DGLUCY: variants seen among roughly 807,000 people sequenced by gnomAD.
DGLUCY encodes D-glutamate cyclase, mitochondrial.
In DGLUCY, 58 loss-of-function variants were observed where a neutral mutation model predicts 58.5. The ratio of observed to expected loss-of-function variants is 0.99; its 90% CI spans 0.80 to 1.23. The LOEUF is 1.23. DGLUCY is among the 50% of genes most tolerant of loss of function. DGLUCY has a pLI of 0.00. For synonymous variants in DGLUCY, 325 were observed against 314.1 expected, an observed-to-expected ratio of 1.03 and a Z score of -0.37; for missense variants, 779 against 784.7, an observed-to-expected ratio of 0.99 and a Z score of 0.09.
At chr14:91,133,117 A>AAC (rs1201603000) in intron 1 of DGLUCY, among the ~76,000 whole-genome samples, 4 of 151,964 alleles carry the variant, frequency 2.6e-5, no homozygotes, top group Non-Finnish European at 4.4e-5. Context: ...AACATGGTGA[A>AAC]ACCCCTGTCT....
At chr14:91,074,128 C>T (rs951169545) in intron 1 of DGLUCY, among the ~76,000 whole-genome samples, 2 of 131,596 alleles carry the variant, frequency 1.5e-5, no homozygotes, top group African/African-American at 6.2e-5. Flanking sequence ...TACACACACA[C>T]ACACACACAC....
intron 5 of DGLUCY, among the ~76,000 whole-genome samples, chr14:91,172,370 T>C (rs1444029709): frequency 6.6e-6 from 1 of 152,196 alleles, no homozygotes; most frequent in Non-Finnish European, 1.5e-5. Flanking sequence ...TGAACCACTG[T>C]GCCCAGCCTC....
intron 13 of DGLUCY, among the ~76,000 whole-genome samples, chr14:91,218,702 C>G (rs144685934): frequency 8.6e-4 from 130 of 151,918 alleles, no homozygotes; most frequent in African/African-American, 3.0e-3. Context: ...CACACCTGGC[C>G]TAAAATGGGG....
intron 1 of DGLUCY, among the ~76,000 whole-genome samples, chr14:91,128,136 A>G (rs2045822593): frequency 6.6e-6 from 1 of 151,508 alleles, no homozygotes; most frequent in Non-Finnish European, 1.5e-5. Flanking sequence ...TGCTCCTGGT[A>G]CAGAATTCTG....
chr14:91,083,675 T>C (rs2044166178), intron 1 of DGLUCY, among the ~76,000 whole-genome samples: 1 of 152,092 alleles, frequency 6.6e-6, no homozygotes, highest in Non-Finnish European at 1.5e-5. Flanking sequence ...ATTTGTTGCT[T>C]TTGTGTCAAC....
At chr14:91,092,373 C>G (rs578243980) in intron 1 of DGLUCY, among the ~76,000 whole-genome samples, 5 of 152,294 alleles carry the variant, frequency 3.3e-5, no homozygotes, top group South Asian at 2.1e-4. Context: ...GATTTCCATA[C>G]TGAGTTGAAT....
chr14:91,101,029 CT>C (rs2044477417), intron 1 of DGLUCY, among the ~76,000 whole-genome samples: 1 of 152,218 alleles, frequency 6.6e-6, no homozygotes, highest in Admixed American at 6.5e-5. Flanking sequence ...CGAGATCATG[CT>C]GCTCCACCCC....
intron 7 of DGLUCY, 57 bp from the exon 8 acceptor site, chr14:91,181,129 G>C: frequency 6.5e-7 from 1 of 1,544,466 alleles, no homozygotes; most frequent in Non-Finnish European, 8.9e-7. Flanking sequence ...GGCTAGATGA[G>C]GGTAGGCTGG....
chr14:91,172,506 TCATATCACGTTAGAGTTCTTC>T (rs2048621885), intron 5 of DGLUCY, among the ~76,000 whole-genome samples: 1 of 152,238 alleles, frequency 6.6e-6, no homozygotes, highest in African/African-American at 2.4e-5. Context: ...ACAGATATCT[TCATATCACGTTAGAGTTCTTC>T]CTGATGTCTC....
At chr14:91,103,493 T>A (rs2044529071), upstream of DGLUCY, among the ~76,000 whole-genome samples, 1 of 152,008 alleles carries the variant, frequency 6.6e-6, no homozygotes, top group Non-Finnish European at 1.5e-5. Context: ...CTCCCTCCTC[T>A]CCCCATCACC....
intron 11 of DGLUCY, 75 bp from the exon 12 acceptor site, chr14:91,204,631 G>A (rs537364254): frequency 3.8e-6 from 6 of 1,573,112 alleles, no homozygotes; most frequent in Admixed American, 1.7e-5. Context: ...ACAAGCACAT[G>A]TAGGGCTGCC....
chr14:91,215,556 G>A lies in DGLUCY; in HGVS notation c.1716G>A (p.Lys572=), dbSNP rs970879207. 1.2e-6 allele frequency: 2 copies of A among 1,613,634 alleles called. No homozygotes were observed. Among genetic ancestry groups the A allele is most frequent in the African/African-American group, 2.7e-5 (2 of 74,928 alleles). ...CTCAGGCCCTCCCGTCGGTCATTAA[G>A]GTAACAAACCCCAGCCAGCCGCTCG... ...AWTQALPSVI[K]EEKMLGILVQ... Residue 572 remains lysine, a splice_region_variant and synonymous_variant, in exon 13 of 14, where the codon AAG becomes AAA. Coordinates refer to ENST00000256324, the MANE Select transcript of DGLUCY (RefSeq NM_001102368.3).
intron 5 of DGLUCY, among the ~76,000 whole-genome samples, chr14:91,170,568 A>G (rs1295038674): frequency 6.6e-6 from 1 of 152,116 alleles, no homozygotes; most frequent in Non-Finnish European, 1.5e-5. Flanking sequence ...GGCTCTCTCA[A>G]TACCCAGGGA....
chr14:91,110,414 CTT>C (rs1158891524), upstream of DGLUCY, among the ~76,000 whole-genome samples: 1 of 132,888 alleles, frequency 7.5e-6, no homozygotes, highest in East Asian at 2.2e-4. Context: ...GTTTTTCTTT[CTT>C]TCTTTCTTTC....
At chr14:91,143,915 G>C (rs2046874561) in intron 1 of DGLUCY, among the ~76,000 whole-genome samples, 1 of 152,142 alleles carries the variant, frequency 6.6e-6, no homozygotes, top group Middle Eastern at 3.2e-3. Flanking sequence ...CACGTAATAA[G>C]TAGAGTCAAT....
At chr14:91,111,226 GTGTGTGTGTGTGTGTGTGTGTGTA>G (rs1299792214), upstream of DGLUCY, among the ~76,000 whole-genome samples, 55 of 148,380 alleles carry the variant, frequency 3.7e-4, 1 homozygote, top group African/African-American at 9.9e-4. Context: ...GTGTGTGTGT[GTGTGTGTGTGTGTGTGTGTGTGTA>G]TATATCTATA....
At chr14:91,178,876 C>T (rs2049004521) in intron 7 of DGLUCY, among the ~76,000 whole-genome samples, 1 of 151,978 alleles carries the variant, frequency 6.6e-6, no homozygotes, top group Non-Finnish European at 1.5e-5. Flanking sequence ...ACTAAAAATA[C>T]AAAAATTAGC....
At chr14:91,135,637 T>A (rs1595724013) in intron 1 of DGLUCY, among the ~76,000 whole-genome samples, 1 of 112,294 alleles carries the variant, frequency 8.9e-6, no homozygotes. Context: ...GCAACAAGAG[T>A]GAAACTCTGC....
At chr14:91,175,283 C>T (rs2048794017) in intron 6 of DGLUCY, among the ~76,000 whole-genome samples, 1 of 152,104 alleles carries the variant, frequency 6.6e-6, no homozygotes, top group Non-Finnish European at 1.5e-5. Context: ...AGAAGCTGTG[C>T]AGGCCTCTTA....
Sources: gnomAD v4.1 joint callset for allele counts (sites outside exome capture counted in the v4.1 genomes callset) on GRCh38, gnomAD v4.1.1 for gene constraint, MANE v1.5 for transcripts, NCBI Gene and HGNC (gene_info 2026-07-23, HGNC 2026-07-21) for gene names.